KCNC4: variants seen among roughly 807,000 people sequenced by gnomAD.
The protein encoded by KCNC4 is potassium voltage-gated channel subfamily C member 4.
KCNC4 carries 23 observed loss-of-function variants against 42.8 expected under a neutral mutation model. The ratio of observed to expected loss-of-function variants is 0.54; its 90% CI spans 0.39 to 0.76. The LOEUF (loss-of-function observed/expected upper bound fraction) is 0.76. Among genes scored for constraint, KCNC4 ranks in the 30% least tolerant of loss-of-function variants. The probability of loss-of-function intolerance (pLI) is 0.00; values close to 1 mark genes in which losing one functional copy is unlikely to be tolerated. For synonymous variants in KCNC4, 422 were observed against 393.5 expected, an observed-to-expected ratio of 1.07 and a Z score of -0.86; for missense variants, 751 against 898.2, an observed-to-expected ratio of 0.84 and a Z score of 2.10.
At chr1:110,231,446 G>A (rs898406408) in intron 3 of KCNC4, among the ~76,000 whole-genome samples, 3 of 152,198 alleles carry the variant, frequency 2.0e-5, no homozygotes, top group African/African-American at 7.2e-5. Context: ...AGCAATCTAA[G>A]GCCATTATCT....
chr1:110,227,295 C>T (rs1036304563), intron 3 of KCNC4, among the ~76,000 whole-genome samples: 4 of 152,188 alleles, frequency 2.6e-5, no homozygotes, highest in African/African-American at 9.6e-5. Flanking sequence ...GGCCTGCCAG[C>T]CCATGCAGGC....
At position 110,233,285 on chromosome 1, in the gene KCNC4, C is replaced by A. The variant is rs1658802379; in HGVS notation, c.*313C>A. 6.6e-6 allele frequency: 3 copies of A among 451,972 alleles called. No individual in the cohort carries two copies. The highest frequency in any genetic ancestry group is 3.8e-5 in the Admixed American group (1 of 26,090). The allele number at this position is 451,972 out of a possible 1,614,324, so 28.0% of individuals were successfully genotyped here. A position where few individuals can be genotyped will look rare whatever the true frequency, so the allele number is the denominator to read the frequency against. On this transcript the variant is annotated 3_prime_UTR_variant, in exon 4 of 4. Coordinates refer to ENST00000438661, the MANE Select transcript of KCNC4 (RefSeq NM_001039574.3). The stretch of plus-strand genomic sequence containing the variant: ...TAGGCTGTGTCTCCCTAAGCCCTTG[C>A]CCCACCCAGAGTTTCCCGTCCCCTT...
rs1657496214 is a variant in KCNC4 at position 110,212,062 on chromosome 1, G to C, written c.563G>C (p.Arg188Pro). The change falls in exon 1 of 4, where the codon CGA becomes CCA. Residue 188 changes from arginine to proline, a missense_variant. Transcript: ENST00000438661. Reference protein sequence around the residue: ...GDDERELALQRLGPHEGGAGH... With the variant: ...GDDERELALQPLGPHEGGAGH... ...GATGAGCGGGAGCTGGCCCTGCAGC[G>C]ACTGGGCCCCCACGAGGGAGGCGCG... is the stretch of plus-strand genomic sequence containing the variant. 6 of 1,555,546 alleles carry C rather than the reference G, an allele frequency of 3.9e-6. No homozygotes were observed. The highest frequency in any genetic ancestry group is 5.2e-6 in the Non-Finnish European group (6 of 1,155,986).
chr1:110,225,966 C>T lies in KCNC4; in HGVS notation c.1616-9C>T. 6.4e-7 allele frequency: 1 copy of T among 1,570,922 alleles called. No individual in the cohort carries two copies. The highest frequency in any genetic ancestry group is 1.8e-5 in the Admixed American group (1 of 56,590). On this transcript the variant is annotated splice_polypyrimidine_tract_variant and intron_variant, in intron 2 of 3. Transcript: ENST00000438661. ...CTCATGCAGCCTCCTTTCTGTGTGCCCCCTTCAGACTCTAAGCAGAATGGC... is the reference window on the plus strand; with the variant it reads ...CTCATGCAGCCTCCTTTCTGTGTGCTCCCTTCAGACTCTAAGCAGAATGGC...
At position 110,223,357 on chromosome 1, in the gene KCNC4, T is replaced by G. The variant is rs1658213933; in HGVS notation, c.1072T>G (p.Phe358Val). ...VVRFVRILRI[F>V]KLTRHFVGLR... is the part of the protein sequence containing the mutation. Reference sequence around the variant, plus strand: ...GCGCTTCGTGCGCATCCTGCGTATCTTCAAGCTCACACGCCACTTCGTGGG... The same window carrying G: ...GCGCTTCGTGCGCATCCTGCGTATCGTCAAGCTCACACGCCACTTCGTGGG... The change falls in exon 2 of 4, where the codon TTC (phenylalanine) becomes GTC (valine). Residue 358 changes from phenylalanine (F) to valine (V), a missense_variant. Phe to Val is a conservative substitution (Grantham distance 50). Coordinates refer to ENST00000438661, the MANE Select transcript of KCNC4 (RefSeq NM_001039574.3). The surrounding 1 kb of genome is among the most constrained non-coding windows in gnomAD (Gnocchi z 7.5). The G allele has an allele frequency of 6.2e-7, 1 of 1,613,764 alleles. No individual in the cohort carries two copies. Among genetic ancestry groups the G allele is most frequent in the South Asian group, 1.1e-5 (1 of 91,080 alleles).
chr1:110,268,309 T>G (rs1416349094), intron 1 of KCNC4, among the ~76,000 whole-genome samples: 1 of 152,184 alleles, frequency 6.6e-6, no homozygotes, highest in African/African-American at 2.4e-5. Flanking sequence ...AGAGTGCCTT[T>G]AAGAAACTCT....
chr1:110,223,196 C>T lies in KCNC4; in HGVS notation c.911C>T (p.Pro304Leu), dbSNP rs1297911789. ...LEFLVRIVCC[P>L]DTLDFVKNLL... ...TTCCTGGTGCGCATCGTGTGCTGCC[C>T]CGACACGCTGGACTTCGTCAAGAAC... The change falls in exon 2 of 4, where the codon CCC (proline) becomes CTC (leucine). Residue 304 changes from proline to leucine, a missense_variant. By Grantham distance (98) the Pro-to-Leu change is moderately conservative (BLOSUM62 -3). Transcript: ENST00000438661. This position sits in a 1 kb window ranked among gnomAD's most constrained non-coding sequence, Gnocchi z 7.5. 6.2e-7 allele frequency: 1 copy of T among 1,614,214 alleles called. No individual in the cohort carries two copies. The highest frequency in any genetic ancestry group is 1.1e-5 in the South Asian group (1 of 91,088).
At chr1:110,228,281 G>C (rs1037312138) in intron 3 of KCNC4, among the ~76,000 whole-genome samples, 1 of 152,184 alleles carries the variant, frequency 6.6e-6, no homozygotes. Context: ...GCTGGAGGCT[G>C]TGGGGTCTTT....
intron 1 of KCNC4, among the ~76,000 whole-genome samples, chr1:110,257,087 T>C (rs968300131): frequency 3.3e-5 from 5 of 152,228 alleles, no homozygotes; most frequent in African/African-American, 1.2e-4. Context: ...AGTTCTGTTT[T>C]TGAATATGTA....
intron 3 of KCNC4, 61 bp downstream of exon 3, chr1:110,226,239 C>T (rs1658387737): frequency 6.8e-7 from 1 of 1,475,916 alleles, no homozygotes; most frequent in Non-Finnish European, 9.4e-7. Context: ...CCCGAGTCCC[C>T]CACCAAGAGC....
chr1:110,283,910 T>C (rs11808630), downstream of KCNC4, among the ~76,000 whole-genome samples: 3,724 of 152,306 alleles, frequency 0.024, 79 homozygotes, highest in South Asian at 0.07. Context: ...CAGGGCACAT[T>C]GGGCTTCTGC....
chr1:110,212,161 C>T lies in KCNC4; in HGVS notation c.662C>T (p.Ser221Phe). Residue 221 changes from serine (S) to phenylalanine (F), a missense_variant, in exon 1 of 4, where the codon TCC (serine) becomes TTC (phenylalanine). Physicochemically the swap from Ser to Phe is radical, Grantham distance 155. Transcript: ENST00000438661. ...TGGGCGCTCTTCGAGGATCCCTACT[C>T]CTCCCGGGCCGCTAGGGTGAGTGGC... ...RMWALFEDPY[S>F]SRAARVVAFA... The T allele has an allele frequency of 1.3e-6, 2 of 1,507,608 alleles. No individual in the cohort carries two copies. Among genetic ancestry groups the T allele is most frequent in the Non-Finnish European group, 1.7e-6 (2 of 1,144,676 alleles). The allele number at this position is 1,507,608 out of a possible 1,614,324, so 93.4% of individuals were successfully genotyped here.
At chr1:110,236,093 C>A (rs1658899010), downstream of KCNC4, 1 of 152,186 alleles carries the variant, frequency 6.6e-6, no homozygotes, top group African/African-American at 2.4e-5. Flanking sequence ...GTTTGATGAC[C>A]TCACTTTTCA....
At chr1:110,232,413 TG>T in intron 3 of KCNC4, 9 of 1,513,460 alleles carry the variant, frequency 5.9e-6, no homozygotes, top group East Asian at 2.5e-5. Flanking sequence ...TGGAGCTACT[TG>T]GGGGAGAGCT....
intron 3 of KCNC4, among the ~76,000 whole-genome samples, chr1:110,228,095 T>A (rs1270406205): frequency 2.0e-5 from 3 of 152,086 alleles, no homozygotes; most frequent in Non-Finnish European, 4.4e-5. Context: ...CAATGCACAC[T>A]CGGCAACTTT....
At chr1:110,213,768 T>G (rs1288079611) in intron 1 of KCNC4, among the ~76,000 whole-genome samples, 3 of 152,162 alleles carry the variant, frequency 2.0e-5, no homozygotes, top group African/African-American at 7.2e-5. Flanking sequence ...CTCATGTAGG[T>G]CACTAACCTT....
rs143141744 is a variant in KCNC4, at chr1:110,262,782, C to A, written n.31-19752C>A. ...TACTTCTTAGGTCCCATTTCTTCGG[C>A]CCTCACCCCCTCCTTTTGGTCTTTT... is the stretch of plus-strand genomic sequence containing the variant. On this transcript the variant is annotated intron_variant and non_coding_transcript_variant, in intron 1 of 2. Transcript: ENST00000412512. 1.8e-3 allele frequency among the ~76,000 whole-genome samples: 275 copies of A among 152,314 alleles called. 3 individuals are homozygous for A. Among genetic ancestry groups the A allele is most frequent in the African/African-American group, 6.3e-3 (263 of 41,554 alleles).
intron 1 of KCNC4, among the ~76,000 whole-genome samples, chr1:110,255,401 T>G (rs1659313490): frequency 6.6e-6 from 1 of 152,172 alleles, no homozygotes. Context: ...CCCTACTCCA[T>G]GTCCCCAGGC....
At chr1:110,229,169 C>T (rs1050474973) in intron 3 of KCNC4, 13 of 152,462 alleles carry the variant, frequency 8.5e-5, no homozygotes, top group Admixed American at 6.5e-4. Flanking sequence ...GTCTGTCTGT[C>T]CACCCCACAC....
Sources: gnomAD v4.1 joint callset for allele counts (sites outside exome capture counted in the v4.1 genomes callset) on GRCh38, gnomAD v4.1.1 for gene constraint, Gnocchi (gnomAD v3.1) non-coding constraint, MANE v1.5 for transcripts, NCBI Gene and HGNC (gene_info 2026-07-23, HGNC 2026-07-21) for gene names.